Variants in LRP1B observed in about 807,000 individuals in gnomAD.
LRP1B encodes LDL receptor related protein 1B.
Under a neutral mutation model 556.6 loss-of-function variants are expected in LRP1B, and 217 were observed. That is an observed-to-expected ratio of 0.39 (90% CI 0.35 to 0.44). LRP1B has a LOEUF of 0.44. LRP1B is among the 20% of genes least tolerant of loss of function. The pLI, the probability that LRP1B is intolerant of heterozygous loss-of-function variation, is 1.00. For synonymous variants in LRP1B, 2,047 were observed against 1,865.8 expected (o/e 1.10, Z -2.50); for missense variants, 5,053 against 5,620.8 (o/e 0.90, Z 3.23).
At chr2:140,554,642 C>A (rs931415704) in intron 43 of LRP1B, among the ~76,000 whole-genome samples, 1 of 151,986 alleles carries the variant, frequency 6.6e-6, no homozygotes, top group African/African-American at 2.4e-5. Flanking sequence ...ATTACAAGAG[C>A]TTTTATTTTC....
intron 41 of LRP1B, among the ~76,000 whole-genome samples, chr2:140,613,616 C>T (rs1219429451): frequency 6.6e-6 from 1 of 151,080 alleles, no homozygotes; most frequent in Non-Finnish European, 1.5e-5. Context: ...TCAACTAGGC[C>T]TCAGCCTTGT....
intron 3 of LRP1B, among the ~76,000 whole-genome samples, chr2:141,329,143 T>G (rs1331189994): frequency 2.0e-5 from 3 of 152,114 alleles, no homozygotes; most frequent in African/African-American, 7.2e-5. Flanking sequence ...ATCACAACAC[T>G]TTGGGAGGCC....
At chr2:140,291,605 C>T (rs758285490) in intron 84 of LRP1B, among the ~76,000 whole-genome samples, 15 of 151,956 alleles carry the variant, frequency 9.9e-5, no homozygotes, top group Middle Eastern at 6.8e-3. Context: ...ATGATGGTTT[C>T]CAGCTTCTTC....
chr2:141,572,248 C>T (rs958180790), intron 2 of LRP1B, among the ~76,000 whole-genome samples: 5 of 152,136 alleles, frequency 3.3e-5, no homozygotes, highest in Non-Finnish European at 7.4e-5. Context: ...AGAAACTCTA[C>T]AAGCCAGAAG....
At chr2:141,100,137 G>A (rs1358537875) in intron 7 of LRP1B, among the ~76,000 whole-genome samples, 3 of 152,116 alleles carry the variant, frequency 2.0e-5, no homozygotes, top group Non-Finnish European at 4.4e-5. Flanking sequence ...ATGACAAGAT[G>A]TGAAACCTAA....
chr2:141,067,224 T>G (rs980742422), intron 7 of LRP1B, among the ~76,000 whole-genome samples: 1 of 152,028 alleles, frequency 6.6e-6, no homozygotes, highest in Non-Finnish European at 1.5e-5. Context: ...ATATTTAGCA[T>G]TGTAATTCTA....
At chr2:140,474,812 C>T (rs1687902832) in intron 60 of LRP1B, among the ~76,000 whole-genome samples, 1 of 151,826 alleles carries the variant, frequency 6.6e-6, no homozygotes, top group Admixed American at 6.6e-5. Flanking sequence ...GTAATAGCCT[C>T]ATATTTACAA....
intron 1 of LRP1B, among the ~76,000 whole-genome samples, chr2:142,104,792 G>T (rs182642897): frequency 6.6e-6 from 1 of 152,038 alleles, no homozygotes; most frequent in South Asian, 2.1e-4. Context: ...TTAAAAATGC[G>T]AGCAGTAAAC....
chr2:140,961,780 A>G (rs2105315889), intron 18 of LRP1B, among the ~76,000 whole-genome samples: 1 of 152,264 alleles, frequency 6.6e-6, no homozygotes, highest in East Asian at 1.9e-4. Context: ...AGCTTTTAAA[A>G]CTTTAAAACT....
chr2:140,562,963 T>G (rs758217819), intron 43 of LRP1B, among the ~76,000 whole-genome samples: 1 of 152,126 alleles, frequency 6.6e-6, no homozygotes, highest in Non-Finnish European at 1.5e-5. Flanking sequence ...ATAAAAAAAT[T>G]AAATGTAAGA....
At chr2:141,673,676 T>G (rs974363237) in intron 2 of LRP1B, among the ~76,000 whole-genome samples, 1 of 152,126 alleles carries the variant, frequency 6.6e-6, no homozygotes, top group Non-Finnish European at 1.5e-5. Flanking sequence ...GTTTTTTAGA[T>G]GAACTTCTAT....
intron 14 of LRP1B, among the ~76,000 whole-genome samples, chr2:141,010,884 A>T (rs1185585746): frequency 6.6e-6 from 1 of 151,438 alleles, no homozygotes; most frequent in Non-Finnish European, 1.5e-5. Context: ...TCTGACACTG[A>T]GTCTAAAATA....
At chr2:141,655,811 G>A (rs1689984577) in intron 2 of LRP1B, among the ~76,000 whole-genome samples, 4 of 151,870 alleles carry the variant, frequency 2.6e-5, no homozygotes, top group Admixed American at 2.0e-4. Context: ...TTTGCTCTTA[G>A]GTTTCAGTTA....
At chr2:141,417,758 ATTT>A (rs56660575) in intron 3 of LRP1B, among the ~76,000 whole-genome samples, 9,068 of 136,302 alleles carry the variant, frequency 0.067, 926 homozygotes, top group African/African-American at 0.22. Context: ...TGGTAGTTCT[ATTT>A]TTTTTTTTTT....
At chr2:141,795,109 A>T (rs533382898) in intron 2 of LRP1B, among the ~76,000 whole-genome samples, 2 of 152,222 alleles carry the variant, frequency 1.3e-5, no homozygotes, top group East Asian at 3.9e-4. Flanking sequence ...ATTGATCAAC[A>T]GTGTTTTCTT....
At chr2:140,997,569 A>G (rs1247375903) in intron 15 of LRP1B, among the ~76,000 whole-genome samples, 3 of 151,862 alleles carry the variant, frequency 2.0e-5, no homozygotes, top group Non-Finnish European at 4.4e-5. Flanking sequence ...TTTTCCCTCA[A>G]TTGATGCTTT....
intron 1 of LRP1B, among the ~76,000 whole-genome samples, chr2:141,967,593 TAGAC>T (rs1460436669): frequency 3.4e-4 from 51 of 151,950 alleles, no homozygotes; most frequent in African/African-American, 4.3e-4. Flanking sequence ...AAGTATAAAT[TAGAC>T]AGTCAGAGAG....
At chr2:141,396,405 C>T (rs1690238103) in intron 3 of LRP1B, among the ~76,000 whole-genome samples, 1 of 152,180 alleles carries the variant, frequency 6.6e-6, no homozygotes, top group Non-Finnish European at 1.5e-5. Context: ...CAGTTTCTCA[C>T]ATTGTTAATG....
intron 1 of LRP1B, among the ~76,000 whole-genome samples, chr2:142,089,061 C>A (rs1421383456): frequency 6.6e-6 from 1 of 151,636 alleles, no homozygotes; most frequent in Non-Finnish European, 1.5e-5. Flanking sequence ...ATTTTGTGTG[C>A]CTTCTATGTT....
Sources: gnomAD v4.1 joint callset for allele counts (sites outside exome capture counted in the v4.1 genomes callset) on GRCh38, gnomAD v4.1.1 for gene constraint, MANE v1.5 for transcripts, NCBI Gene and HGNC (gene_info 2026-07-23, HGNC 2026-07-21) for gene names.